Variants in ARHGEF12 observed in about 807,000 individuals in gnomAD.
ARHGEF12 encodes Rho guanine nucleotide exchange factor 12, also known as KMT2A/ARHGEF12 fusion protein.
Under a neutral mutation model 211.2 loss-of-function variants are expected in ARHGEF12, and 66 were observed. The observed-to-expected ratio is 0.31, with a 90% CI of 0.26 to 0.38. The LOEUF (loss-of-function observed/expected upper bound fraction) is 0.38, where lower values mean the gene tolerates loss of function less well. ARHGEF12 is among the 10% of genes least tolerant of loss of function. ARHGEF12 has a pLI of 1.00. For synonymous variants in ARHGEF12, 592 were observed against 638.4 expected (o/e 0.93, Z 1.09); for missense variants, 1,429 against 1,869.5 (o/e 0.76, Z 4.34).
At chr11:120,432,374 T>G (rs986446296) in intron 11 of ARHGEF12, among the ~76,000 whole-genome samples, 1 of 152,238 alleles carries the variant, frequency 6.6e-6, no homozygotes, top group African/African-American at 2.4e-5. Flanking sequence ...TGACAGCACT[T>G]TCTTGATTAA....
chr11:120,469,156 A>T, intron 29 of ARHGEF12, 132 bp from the exon 30 acceptor site: 1 of 656,228 alleles, frequency 1.5e-6, no homozygotes, highest in Non-Finnish European at 2.5e-6. Context: ...CAGAGGCTTT[A>T]AGCTGGTACA....
chr11:120,457,867 T>A, intron 24 of ARHGEF12, 111 bp downstream of exon 24: 1 of 1,260,090 alleles, frequency 7.9e-7, no homozygotes. Context: ...CAATCTGTTA[T>A]GTAGTATAAA....
intron 23 of ARHGEF12, 177 bp from the exon 24 acceptor site, chr11:120,457,544 C>T (rs931735264): frequency 4.3e-6 from 2 of 466,840 alleles, no homozygotes; most frequent in African/African-American, 4.0e-5. Context: ...GAACTCATAA[C>T]TGAAATGTAG....
intron 22 of ARHGEF12, among the ~76,000 whole-genome samples, chr11:120,455,680 C>T (rs1243177836): frequency 6.6e-6 from 1 of 152,136 alleles, no homozygotes; most frequent in African/African-American, 2.4e-5. Flanking sequence ...AAGGGCAATT[C>T]TAAAATGATG....
At chr11:120,385,284 G>A (rs937112964) in intron 1 of ARHGEF12, 1 of 985,200 alleles carries the variant, frequency 1.0e-6, no homozygotes, top group East Asian at 1.1e-4. Flanking sequence ...TGGGAGAAGA[G>A]GTGGGGTTTC....
At chr11:120,439,702 CT>C (rs1331266161) in intron 12 of ARHGEF12, 1 of 153,270 alleles carries the variant, frequency 6.5e-6, no homozygotes, top group African/African-American at 2.4e-5. Context: ...TTCCTTTCTC[CT>C]ATTGTCTTCA....
At chr11:120,351,456 T>TATATATATATATA (rs1264817590) in intron 1 of ARHGEF12, among the ~76,000 whole-genome samples, 2 of 2,882 alleles carry the variant, frequency 6.9e-4, no homozygotes, top group Non-Finnish European at 5.0e-4. Context: ...TATATATATA[T>TATATATATATATA]TTTTTTTTTT....
At chr11:120,453,845 GT>G (rs1341035544) in intron 22 of ARHGEF12, among the ~76,000 whole-genome samples, 1 of 152,196 alleles carries the variant, frequency 6.6e-6, no homozygotes, top group Admixed American at 6.5e-5. Flanking sequence ...TGGGCTCAGA[GT>G]TAGCATATGT....
In ARHGEF12 at chr11:120,421,865, C is replaced by T; in HGVS notation, c.348+13C>T. On this transcript the variant is annotated intron_variant, in intron 6 of 40. Coordinates refer to ENST00000397843, the MANE Select transcript of ARHGEF12 (RefSeq NM_015313.3). ...TCGAATCATCAAGGTAAGGAATAGG[C>T]TATTATAGAATTTACGGTAGGATTA... is the stretch of plus-strand genomic sequence containing the variant. 6.2e-7 allele frequency: 1 copy of T among 1,600,660 alleles called. No individual in the cohort carries two copies. The highest frequency in any genetic ancestry group is 8.5e-7 in the Non-Finnish European group (1 of 1,171,280).
chr11:120,386,370 T>G (rs1002224124), intron 1 of ARHGEF12, among the ~76,000 whole-genome samples: 1 of 152,176 alleles, frequency 6.6e-6, no homozygotes, highest in African/African-American at 2.4e-5. Flanking sequence ...TTTATGACAT[T>G]AAAAAGCATT....
chr11:120,346,324 G>T (rs1942717591), intron 1 of ARHGEF12, among the ~76,000 whole-genome samples: 1 of 152,206 alleles, frequency 6.6e-6, no homozygotes, highest in African/African-American at 2.4e-5. Context: ...ATTGCTTCAC[G>T]TTTCTTATTT....
At chr11:120,370,853 C>T (rs924214813) in intron 1 of ARHGEF12, among the ~76,000 whole-genome samples, 2 of 151,866 alleles carry the variant, frequency 1.3e-5, no homozygotes, top group African/African-American at 4.8e-5. Context: ...TCTCTCCTTC[C>T]CTCCCTTATC....
At chr11:120,460,974 A>G (rs150382948) in intron 27 of ARHGEF12, among the ~76,000 whole-genome samples, 6 of 152,320 alleles carry the variant, frequency 3.9e-5, no homozygotes, top group African/African-American at 1.2e-4. Flanking sequence ...ATACCATGAG[A>G]TTGCAGTGAT....
intron 21 of ARHGEF12, 128 bp from the exon 22 acceptor site, chr11:120,451,384 A>C (rs1181344713): frequency 6.6e-6 from 5 of 753,034 alleles, no homozygotes; most frequent in African/African-American, 5.3e-5. Context: ...TCACCATATT[A>C]GCCAGGATGG....
intron 1 of ARHGEF12, among the ~76,000 whole-genome samples, chr11:120,353,521 T>G (rs928910952): frequency 6.6e-6 from 1 of 152,130 alleles, no homozygotes; most frequent in African/African-American, 2.4e-5. Context: ...TCCAGTCCCT[T>G]CCTGGAATAC....
intron 1 of ARHGEF12, among the ~76,000 whole-genome samples, chr11:120,378,255 C>T (rs1943786599): frequency 6.6e-6 from 1 of 152,142 alleles, no homozygotes; most frequent in East Asian, 1.9e-4. Flanking sequence ...ATTTGCATTT[C>T]TCTAATGATG....
intron 1 of ARHGEF12, chr11:120,385,436 A>G (rs963267537): frequency 2.0e-6 from 2 of 985,368 alleles, no homozygotes; most frequent in Middle Eastern, 5.2e-4. Flanking sequence ...TACTCCATGG[A>G]AACGAGCCTT....
intron 2 of ARHGEF12, among the ~76,000 whole-genome samples, chr11:120,407,471 A>G (rs966560012): frequency 6.6e-6 from 1 of 152,164 alleles, no homozygotes; most frequent in Non-Finnish European, 1.5e-5. Flanking sequence ...AAACCACACA[A>G]AAAAAATGTA....
At chr11:120,451,057 T>C (rs1240237764) in intron 21 of ARHGEF12, 1 of 153,634 alleles carries the variant, frequency 6.5e-6, no homozygotes, top group African/African-American at 2.4e-5. Flanking sequence ...TGTATGTTTC[T>C]CTGCATAACA....
Sources: allele counts gnomAD v4.1 joint callset (sites outside exome capture counted in the v4.1 genomes callset), GRCh38; gene constraint gnomAD v4.1.1; transcripts MANE v1.5; gene names NCBI Gene and HGNC (gene_info 2026-07-23, HGNC 2026-07-21).